The following KIRREL3 variants were observed in gnomAD, a reference collection of about 807,000 sequenced individuals.
The protein encoded by KIRREL3 is kin of IRRE-like protein 3.
In KIRREL3, 36 loss-of-function variants were observed where a neutral mutation model predicts 89.7. The observed-to-expected ratio is 0.40, with a 90% confidence interval of 0.31 to 0.53. KIRREL3 has a LOEUF of 0.53. Ranked by LOEUF, KIRREL3 falls within the 20% of genes least tolerant of loss-of-function variation. The pLI is 0.49. For synonymous variants in KIRREL3, 445 were observed against 441.4 expected, an observed-to-expected ratio of 1.01 and a Z score of -0.10; for missense variants, 864 against 1,056.6, an observed-to-expected ratio of 0.82 and a Z score of 2.53.
chr11:126,961,803 T>G (rs1444026503), intron 1 of KIRREL3, among the ~76,000 whole-genome samples: 8 of 152,240 alleles, frequency 5.3e-5, no homozygotes, highest in African/African-American at 1.9e-4. Flanking sequence ...CTTCAAAGTT[T>G]CAAAGGACAG....
At chr11:126,731,515 T>G (rs1278107148) in intron 1 of KIRREL3, among the ~76,000 whole-genome samples, 1 of 152,242 alleles carries the variant, frequency 6.6e-6, no homozygotes. Context: ...GCAGTCTTCT[T>G]GAGGTCACAG....
intron 1 of KIRREL3, among the ~76,000 whole-genome samples, chr11:126,753,913 T>C (rs1378081958): frequency 6.6e-6 from 1 of 152,220 alleles, no homozygotes. Context: ...AATAAATATG[T>C]ATGCTGCCCA....
rs955928051 is a variant in KIRREL3, at chr11:126,797,238, C to A, written c.55+203217G>T. ...GGACCAATTTGAATTTAGATCCCACCTCTGCCACTTATTGACCTCTCTGAG... is the reference window on the plus strand; with the variant it reads ...GGACCAATTTGAATTTAGATCCCACATCTGCCACTTATTGACCTCTCTGAG... On this transcript the variant is annotated intron_variant, in intron 1 of 16. Transcript: ENST00000525144. The surrounding 1 kb of genome is among the most constrained non-coding windows in gnomAD (Gnocchi z 4.9). 1.3e-5 allele frequency among the ~76,000 whole-genome samples: 2 copies of A among 152,184 alleles called. No homozygotes were observed. The highest frequency in any genetic ancestry group is 4.8e-5 in the African/African-American group (2 of 41,434).
chr11:126,675,619 C>T (rs1946153589), intron 1 of KIRREL3, among the ~76,000 whole-genome samples: 2 of 152,164 alleles, frequency 1.3e-5, no homozygotes, highest in Admixed American at 1.3e-4. Flanking sequence ...CATCCCAATG[C>T]CTACTGTCGT....
At chr11:126,634,934 C>T (rs563796592) in intron 1 of KIRREL3, among the ~76,000 whole-genome samples, 4 of 152,262 alleles carry the variant, frequency 2.6e-5, no homozygotes, top group Non-Finnish European at 5.9e-5. Context: ...GGTATATGCA[C>T]CCAGGGAAGA....
At chr11:126,453,747 C>A (rs1373881196) in intron 7 of KIRREL3, among the ~76,000 whole-genome samples, 5 of 152,104 alleles carry the variant, frequency 3.3e-5, no homozygotes, top group Non-Finnish European at 5.9e-5. Context: ...CGGAGGGGCT[C>A]CCTGAAAGCC....
chr11:126,850,446 T>G (rs1838809313), intron 1 of KIRREL3, among the ~76,000 whole-genome samples: 1 of 152,112 alleles, frequency 6.6e-6, no homozygotes, highest in Non-Finnish European at 1.5e-5. Flanking sequence ...AGGCCTTGAG[T>G]TGGGGTAGAG....
rs1469860640 is a variant in KIRREL3, at chr11:126,640,550, G to C, written c.56-77638C>G. 2.0e-5 allele frequency among the ~76,000 whole-genome samples: 3 copies of C among 152,148 alleles called. No individual in the cohort carries two copies. Among genetic ancestry groups the C allele is most frequent in the Non-Finnish European group, 4.4e-5 (3 of 68,018 alleles). On this transcript the variant is annotated intron_variant, in intron 1 of 16. Coordinates refer to ENST00000525144, the MANE Select transcript of KIRREL3 (RefSeq NM_032531.4). This position sits in a 1 kb window ranked among gnomAD's most constrained non-coding sequence, Gnocchi z 4.9. ...TCAGCTTTTTCCTTCTGGGCTGCTT[G>C]TACCTGAAATGTGTGGCGAAGAGGG...
In KIRREL3 at chr11:126,441,796, C is replaced by T. The variant is rs543144915; in HGVS notation, c.1253-1247G>A. ...TTGAGTTTGAGAAGGCAAAAGGGCT[C>T]GGGGCAGCGTGAGGTGGGCGTGGGG... On this transcript the variant is annotated intron_variant, in intron 10 of 16. Transcript: ENST00000525144. This position sits in a 1 kb window ranked among gnomAD's most constrained non-coding sequence, Gnocchi z 5.0. Among the ~76,000 whole-genome samples the T allele has an allele frequency of 3.3e-5, 5 of 152,218 alleles. No individual in the cohort carries two copies. The highest frequency in any genetic ancestry group is 4.2e-4 in the South Asian group (2 of 4,810).
chr11:126,525,968 C>T lies in KIRREL3; in HGVS notation c.283+570G>A, dbSNP rs1367584122. Among the ~76,000 whole-genome samples the T allele has an allele frequency of 6.6e-6, 1 of 152,172 alleles. No homozygotes were observed. The highest frequency in any genetic ancestry group is 1.9e-4 in the East Asian group (1 of 5,192). On this transcript the variant is annotated intron_variant, in intron 3 of 16. Coordinates refer to ENST00000525144, the MANE Select transcript of KIRREL3 (RefSeq NM_032531.4). This position sits in a 1 kb window ranked among gnomAD's most constrained non-coding sequence, Gnocchi z 5.4. ...AACCATGGGAACTCTCACTGCCTGT[C>T]CCAGGGTAGCTTTGCTGAATACCAG...
chr11:126,438,751 T>A (rs1955452771), intron 11 of KIRREL3, among the ~76,000 whole-genome samples: 1 of 152,258 alleles, frequency 6.6e-6, no homozygotes. Context: ...TGTGAATCTT[T>A]CAGACAGTGA....
In KIRREL3 at chr11:126,661,131, T is replaced by A. The variant is rs538961343; in HGVS notation, c.56-98219A>T. ...GAAAAAAGGAAAATAGAAAGCACAA[T>A]GTTGTAACTGCCTTCTGGGTAACCA... On this transcript the variant is annotated intron_variant, in intron 1 of 16. Coordinates refer to ENST00000525144, the MANE Select transcript of KIRREL3 (RefSeq NM_032531.4). Among the ~76,000 whole-genome samples the A allele has an allele frequency of 1.1e-3, 175 of 152,294 alleles. 3 individuals carry two copies. The South Asian group carries it at 0.027, about 23-fold the overall frequency.
intron 1 of KIRREL3, among the ~76,000 whole-genome samples, chr11:126,834,728 GACTGCATAGAATGGC>G (rs2134500702): frequency 6.6e-6 from 1 of 152,370 alleles, no homozygotes; most frequent in South Asian, 2.1e-4. Context: ...CCTCATGCTG[GACTGCATAGAATGGC>G]ACTGCCAAAG....
intron 1 of KIRREL3, among the ~76,000 whole-genome samples, chr11:126,818,414 T>C (rs1951652771): frequency 6.6e-6 from 1 of 152,214 alleles, no homozygotes; most frequent in South Asian, 2.1e-4. Flanking sequence ...TGCCATTTAC[T>C]AGTTGTGTGG....
chr11:126,976,951 G>A lies in KIRREL3; in HGVS notation c.55+23504C>T, dbSNP rs548573210. ...TAATTCCTTCTCAATTCAGCTGATC[G>A]TCCCTCAACTATGAACAGCACGATA... On this transcript the variant is annotated intron_variant, in intron 1 of 16. Transcript: ENST00000525144. The surrounding 1 kb of genome is among the most constrained non-coding windows in gnomAD (Gnocchi z 4.2). 1.7e-4 allele frequency among the ~76,000 whole-genome samples: 26 copies of A among 152,082 alleles called. No homozygotes were observed. The highest frequency in any genetic ancestry group is 2.1e-4 in the South Asian group (1 of 4,810).
At chr11:126,572,572 AC>A (rs56397539) in intron 1 of KIRREL3, among the ~76,000 whole-genome samples, 69,459 of 139,758 alleles carry the variant, frequency 0.5, 16,201 homozygotes, top group African/African-American at 0.54. Flanking sequence ...GGAAGAGGGG[AC>A]CCCCCCCCCG....
Position 126,677,881 on chromosome 11 carries a change from AC to A in KIRREL3, c.56-114970del, listed in dbSNP as rs1591941745. 6.6e-6 allele frequency among the ~76,000 whole-genome samples: 1 copy of A among 152,100 alleles called. No individual in the cohort carries two copies. Among genetic ancestry groups the A allele is most frequent in the Non-Finnish European group, 1.5e-5 (1 of 68,008 alleles). On this transcript the variant is annotated intron_variant, in intron 1 of 16. Coordinates refer to ENST00000525144, the MANE Select transcript of KIRREL3 (RefSeq NM_032531.4). The surrounding 1 kb of genome is among the most constrained non-coding windows in gnomAD (Gnocchi z 5.1). ...ACCTGGTGCCCTGGGAATGTTCCCAACCAGATGATTATGGCTGTTGTCACCA... is the reference window on the plus strand; with the variant it reads ...ACCTGGTGCCCTGGGAATGTTCCCAACAGATGATTATGGCTGTTGTCACCA...
chr11:126,675,301 G>A lies in KIRREL3; in HGVS notation c.56-112389C>T, dbSNP rs200519114. On this transcript the variant is annotated intron_variant, in intron 1 of 16. Coordinates refer to ENST00000525144, the MANE Select transcript of KIRREL3 (RefSeq NM_032531.4). ...TTCTACATTCCATAGCACTCAGCAT[G>A]TTTGACCTAATGGGCTGGGTCTTTC... 7.2e-5 allele frequency among the ~76,000 whole-genome samples: 11 copies of A among 152,330 alleles called. No homozygotes were observed. The East Asian group carries it at 1.7e-3, about 24-fold the overall frequency.
chr11:126,815,079 A>T (rs1217975741), intron 1 of KIRREL3, among the ~76,000 whole-genome samples: 4 of 152,056 alleles, frequency 2.6e-5, no homozygotes, highest in Admixed American at 6.6e-5. Flanking sequence ...GTAAAGCTTT[A>T]AAAAAAAGAA....
Sources: gnomAD v4.1 joint callset for allele counts (sites outside exome capture counted in the v4.1 genomes callset) on GRCh38, gnomAD v4.1.1 for gene constraint, Gnocchi (gnomAD v3.1) non-coding constraint, MANE v1.5 for transcripts, NCBI Gene and HGNC (gene_info 2026-07-23, HGNC 2026-07-21) for gene names.